CAMK4: variants seen among roughly 807,000 people sequenced by gnomAD.
The protein encoded by CAMK4 is calcium/calmodulin-dependent protein kinase type IV.
In CAMK4, 22 loss-of-function variants were observed where a neutral mutation model predicts 44.9. The ratio of observed to expected loss-of-function variants is 0.49; its 90% CI spans 0.35 to 0.70. The LOEUF is 0.70. Among genes scored for constraint, CAMK4 ranks in the 30% least tolerant of loss-of-function variants. The pLI, the probability that CAMK4 is intolerant of heterozygous loss-of-function variation, is 0.01. For missense variants in CAMK4, 498 were observed against 586.8 expected (o/e 0.85, Z 1.56); for synonymous variants, 218 against 215.4 (o/e 1.01, Z -0.11).
intron 2 of CAMK4, chr5:111,358,092 T>A (rs2112790051): frequency 6.6e-6 from 1 of 152,228 alleles, no homozygotes; most frequent in East Asian, 1.9e-4. Context: ...TAAGCCTTTA[T>A]TGACACAGGC....
At position 111,478,505 on chromosome 5, in the gene CAMK4, T is replaced by C. The variant is rs765631461; in HGVS notation, c.826T>C (p.Leu276=). 6 of 1,514,380 alleles carry C rather than the reference T, an allele frequency of 4.0e-6. No homozygotes were observed. In the South Asian group the frequency reaches 7.3e-5, roughly 18 times the overall value. 93.8% of individuals were successfully genotyped at this position (1,514,380 alleles called of 1,614,324 possible). A position where few individuals can be genotyped will look rare whatever the true frequency, so the allele number is the denominator to read the frequency against. The change falls in exon 9 of 11, where the codon TTG becomes CTG. Residue 276 remains leucine (L), a splice_region_variant and synonymous_variant. Transcript: ENST00000282356. ...WDEVSLNAKD[L]VRKLIVLDPK... is the part of the protein sequence containing the mutation. ...TGAAGTATCTCTAAATGCCAAGGAC[T>C]TGGTAAGTGTAACCAAAACAAAATG...
rs1414649014 is a variant in CAMK4, at chr5:111,313,201, C to T, written c.162-30823C>T. 7.9e-5 allele frequency among the ~76,000 whole-genome samples: 12 copies of T among 152,066 alleles called. 1 individual carries two copies. Among genetic ancestry groups the T allele is most frequent in the Admixed American group, 7.2e-4 (11 of 15,238 alleles). On this transcript the variant is annotated intron_variant, in intron 1 of 10. Transcript: ENST00000282356. The stretch of plus-strand genomic sequence containing the variant: ...TGGCAGGATGTTTTGAAATATCCCT[C>T]TCCTCTGCCTATGAGATGTCAGTAG...
intron 1 of CAMK4, among the ~76,000 whole-genome samples, chr5:111,311,181 C>T (rs570614178): frequency 4.6e-5 from 7 of 152,078 alleles, no homozygotes; most frequent in South Asian, 4.2e-4. Context: ...AACGTGACAT[C>T]GGTTTATCTG....
chr5:111,406,220 C>CTCTCTA (rs1752423482), intron 5 of CAMK4, among the ~76,000 whole-genome samples: 1 of 149,802 alleles, frequency 6.7e-6, no homozygotes, highest in African/African-American at 2.5e-5. Flanking sequence ...CTCTCTCTCT[C>CTCTCTA]TCTCGTTTTT....
chr5:111,432,803 G>T (rs1475517890), intron 5 of CAMK4, among the ~76,000 whole-genome samples: 5 of 151,680 alleles, frequency 3.3e-5, no homozygotes, highest in Non-Finnish European at 2.9e-5. Flanking sequence ...TACTCATTTA[G>T]CTCATAATTC....
At chr5:111,467,095 C>T (rs1374978728) in intron 7 of CAMK4, among the ~76,000 whole-genome samples, 2 of 151,926 alleles carry the variant, frequency 1.3e-5, no homozygotes, top group African/African-American at 4.8e-5. Flanking sequence ...GAAAGGATAC[C>T]CTATTCGACA....
intron 4 of CAMK4, among the ~76,000 whole-genome samples, chr5:111,383,871 TTTATGC>T (rs1278882322): frequency 6.6e-6 from 1 of 152,088 alleles, no homozygotes; most frequent in African/African-American, 2.4e-5. Context: ...CTTTAAAAAG[TTTATGC>T]TAAGGGAATG....
At chr5:111,254,549 G>T (rs1242853556) in intron 1 of CAMK4, among the ~76,000 whole-genome samples, 1 of 152,172 alleles carries the variant, frequency 6.6e-6, no homozygotes, top group African/African-American at 2.4e-5. Context: ...TGTCAGAGAT[G>T]ATGTTCATGC....
chr5:111,264,131 T>G (rs904675234), intron 1 of CAMK4, among the ~76,000 whole-genome samples: 1 of 152,182 alleles, frequency 6.6e-6, no homozygotes, highest in African/African-American at 2.4e-5. Context: ...TTTGGTGTGA[T>G]GTTGACTTGG....
intron 1 of CAMK4, among the ~76,000 whole-genome samples, chr5:111,227,732 A>G (rs528835996): frequency 8.5e-5 from 13 of 152,368 alleles, no homozygotes; most frequent in African/African-American, 3.1e-4. Flanking sequence ...CAGGGAGGGC[A>G]TAGAGTATAG....
intron 2 of CAMK4, among the ~76,000 whole-genome samples, chr5:111,344,574 T>G (rs1186831993): frequency 6.6e-6 from 1 of 151,870 alleles, no homozygotes; most frequent in Non-Finnish European, 1.5e-5. Flanking sequence ...CTAATTTGCC[T>G]TAATTTTCAA....
At chr5:111,295,945 A>G (rs1747466601) in intron 1 of CAMK4, among the ~76,000 whole-genome samples, 2 of 152,262 alleles carry the variant, frequency 1.3e-5, no homozygotes, top group East Asian at 3.8e-4. Context: ...GTAGTTGAAC[A>G]TAGTGAACTT....
At chr5:111,465,707 T>C (rs1042765644) in intron 7 of CAMK4, among the ~76,000 whole-genome samples, 1 of 152,276 alleles carries the variant, frequency 6.6e-6, no homozygotes, top group Admixed American at 6.5e-5. Flanking sequence ...ATTGAAATGG[T>C]AATTTTAGAA....
At chr5:111,360,432 A>G (rs890184559) in intron 2 of CAMK4, among the ~76,000 whole-genome samples, 2 of 152,078 alleles carry the variant, frequency 1.3e-5, no homozygotes, top group African/African-American at 2.4e-5. Flanking sequence ...TCATGTGCTC[A>G]CTGGCTCTAT....
chr5:111,339,480 A>G (rs897057625), intron 1 of CAMK4, among the ~76,000 whole-genome samples: 1 of 151,200 alleles, frequency 6.6e-6, no homozygotes, highest in Non-Finnish European at 1.5e-5. Context: ...TTATTAATGA[A>G]AATATTCCTT....
chr5:111,292,065 A>C (rs1309518970), intron 1 of CAMK4, among the ~76,000 whole-genome samples: 1 of 152,200 alleles, frequency 6.6e-6, no homozygotes, highest in Non-Finnish European at 1.5e-5. Context: ...CCTCAGAGGA[A>C]TAAAGAAACA....
chr5:111,399,870 C>T (rs1373274699), intron 5 of CAMK4, among the ~76,000 whole-genome samples: 1 of 152,096 alleles, frequency 6.6e-6, no homozygotes, highest in African/African-American at 2.4e-5. Flanking sequence ...GGGTATGCCT[C>T]AATATAGTAA....
At chr5:111,342,453 T>C (rs77703462) in intron 1 of CAMK4, among the ~76,000 whole-genome samples, 4 of 151,398 alleles carry the variant, frequency 2.6e-5, no homozygotes, top group African/African-American at 9.7e-5. Context: ...TTGTGTAGTA[T>C]CTCTTTTACC....
intron 2 of CAMK4, among the ~76,000 whole-genome samples, chr5:111,352,445 A>T (rs950934044): frequency 1.9e-4 from 29 of 152,052 alleles, no homozygotes; most frequent in Non-Finnish European, 3.7e-4. Flanking sequence ...AAATAACCTT[A>T]AATTAATAAG....
Sources: allele counts gnomAD v4.1 joint callset (sites outside exome capture counted in the v4.1 genomes callset), GRCh38; gene constraint gnomAD v4.1.1; transcripts MANE v1.5; gene names NCBI Gene and HGNC (gene_info 2026-07-23, HGNC 2026-07-21).